PCNX1: variants seen among roughly 807,000 people sequenced by gnomAD.
PCNX1 encodes the protein pecanex-like protein 1.
A neutral mutation model predicts 242.2 loss-of-function variants in PCNX1; 78 were observed. The observed-to-expected ratio is 0.32, with a 90% CI of 0.27 to 0.39. The LOEUF (loss-of-function observed/expected upper bound fraction) is 0.39. PCNX1 is among the 10% of genes least tolerant of loss of function. PCNX1 has a pLI of 1.00. For synonymous variants in PCNX1, 1,024 were observed against 1,032.9 expected (o/e 0.99, Z 0.17); for missense variants, 2,581 against 2,856.5 (o/e 0.90, Z 2.20).
chr14:70,912,727 G>GA (rs2055979013), intron 1 of PCNX1, among the ~76,000 whole-genome samples: 1 of 151,968 alleles, frequency 6.6e-6, no homozygotes, highest in African/African-American at 2.4e-5. Flanking sequence ...TTGGCACTTA[G>GA]AAAAAAATCC....
chr14:70,922,003 G>T (rs2056398644), intron 1 of PCNX1, among the ~76,000 whole-genome samples: 1 of 152,098 alleles, frequency 6.6e-6, no homozygotes, highest in Non-Finnish European at 1.5e-5. Context: ...CACTGTGCTG[G>T]GAGGTCTGTT....
At chr14:71,069,585 A>G (rs2061539907) in intron 26 of PCNX1, among the ~76,000 whole-genome samples, 1 of 152,252 alleles carries the variant, frequency 6.6e-6, no homozygotes, top group South Asian at 2.1e-4. Flanking sequence ...AAAGCAAGTC[A>G]CACAAATTGC....
intron 8 of PCNX1, among the ~76,000 whole-genome samples, chr14:71,004,623 G>A (rs187018075): frequency 1.3e-5 from 2 of 152,238 alleles, no homozygotes; most frequent in Non-Finnish European, 2.9e-5. Flanking sequence ...AAAGGTTGGG[G>A]GCCAGAAAGG....
chr14:70,950,861 C>T (rs1487878345), intron 2 of PCNX1, among the ~76,000 whole-genome samples: 1 of 151,658 alleles, frequency 6.6e-6, no homozygotes, highest in Non-Finnish European at 1.5e-5. Flanking sequence ...ATTAGCTCTT[C>T]TGTGTCAAAT....
chr14:70,939,955 G>A (rs1262809537), intron 1 of PCNX1, among the ~76,000 whole-genome samples: 1 of 151,082 alleles, frequency 6.6e-6, no homozygotes, highest in African/African-American at 2.4e-5. Context: ...TTGCAACCTT[G>A]TTTTTTTTGT....
intron 12 of PCNX1, among the ~76,000 whole-genome samples, chr14:71,021,122 A>G (rs550842703): frequency 9.8e-4 from 149 of 151,918 alleles, no homozygotes; most frequent in Non-Finnish European, 1.9e-3. Context: ...TGGTCTTTAT[A>G]TCTGTTTTGG....
chr14:71,102,670 AT>A (rs969902176), intron 31 of PCNX1, among the ~76,000 whole-genome samples: 17 of 151,092 alleles, frequency 1.1e-4, no homozygotes, highest in East Asian at 1.9e-4. Flanking sequence ...AATTTTACTT[AT>A]TTTTTTTTAG....
Position 70,932,623 on chromosome 14 carries a change from A to AT in PCNX1, c.154-14286dup, listed in dbSNP as rs1357659091. On this transcript the variant is annotated intron_variant, in intron 1 of 35. Transcript: ENST00000304743. ...TATTTATTTATTTATTTTTATTTTT[A>AT]TTTTTTGAGATGGAATTTCGCTCTT... Among the ~76,000 whole-genome samples the AT allele has an allele frequency of 8.0e-5, 12 of 150,086 alleles. No individual in the cohort carries two copies. In the South Asian group the frequency reaches 2.1e-3, roughly 26 times the overall value.
chr14:70,946,877 A>C, intron 1 of PCNX1, 38 bp from the exon 2 acceptor site: 3 of 1,316,582 alleles, frequency 2.3e-6, no homozygotes, highest in Non-Finnish European at 3.3e-6. Context: ...GATATAAAAT[A>C]TTTTAAAATG....
intron 3 of PCNX1, among the ~76,000 whole-genome samples, chr14:70,964,072 A>C (rs2058304414): frequency 6.6e-6 from 1 of 152,048 alleles, no homozygotes. Flanking sequence ...TTAGATTGAT[A>C]CTTTTTTTTT....
chr14:71,100,120 T>C (rs928871691), intron 30 of PCNX1, among the ~76,000 whole-genome samples: 2 of 152,174 alleles, frequency 1.3e-5, no homozygotes, highest in Non-Finnish European at 2.9e-5. Context: ...TTGTTGGTCC[T>C]ATCATGAAGG....
intron 6 of PCNX1, among the ~76,000 whole-genome samples, chr14:70,978,853 A>G (rs1045272224): frequency 1.3e-5 from 2 of 152,198 alleles, no homozygotes; most frequent in Non-Finnish European, 2.9e-5. Flanking sequence ...TGGTTGCAAT[A>G]CTTGAATACG....
At chr14:70,988,149 G>T (rs1298603958) in intron 6 of PCNX1, among the ~76,000 whole-genome samples, 1 of 152,048 alleles carries the variant, frequency 6.6e-6, no homozygotes, top group African/African-American at 2.4e-5. Context: ...TTTACAATAC[G>T]AATATAAGAA....
intron 7 of PCNX1, among the ~76,000 whole-genome samples, chr14:70,992,113 T>C (rs2059183437): frequency 6.6e-6 from 1 of 152,074 alleles, no homozygotes; most frequent in Non-Finnish European, 1.5e-5. Flanking sequence ...TGTTGGCCTT[T>C]GCTAATTCTT....
intron 8 of PCNX1, among the ~76,000 whole-genome samples, chr14:71,002,829 G>C (rs2059543408): frequency 6.6e-6 from 1 of 152,108 alleles, no homozygotes; most frequent in Admixed American, 6.5e-5. Context: ...TTTTTGAAAA[G>C]AGTTCTACAT....
intron 26 of PCNX1, among the ~76,000 whole-genome samples, chr14:71,069,465 A>G (rs2061537298): frequency 6.6e-6 from 1 of 152,218 alleles, no homozygotes; most frequent in South Asian, 2.1e-4. Flanking sequence ...ACACTTTATA[A>G]TATTGCATAT....
At chr14:70,990,828 T>C (rs2059142662) in intron 7 of PCNX1, among the ~76,000 whole-genome samples, 1 of 152,200 alleles carries the variant, frequency 6.6e-6, no homozygotes, top group South Asian at 2.1e-4. Context: ...ATTTGGAGCA[T>C]AGTCTCAACA....
chr14:70,932,489 A>G (rs1406546572), intron 1 of PCNX1, among the ~76,000 whole-genome samples: 1 of 151,784 alleles, frequency 6.6e-6, no homozygotes, highest in African/African-American at 2.4e-5. Context: ...CTATTTTTAA[A>G]TTTTTCCTTT....
intron 1 of PCNX1, among the ~76,000 whole-genome samples, chr14:70,923,830 G>T (rs1457367881): frequency 6.6e-6 from 1 of 152,058 alleles, no homozygotes; most frequent in Non-Finnish European, 1.5e-5. Flanking sequence ...ACATGCTGCA[G>T]TAAATAATTT....
Sources: gnomAD v4.1 joint callset for allele counts (sites outside exome capture counted in the v4.1 genomes callset) on GRCh38, gnomAD v4.1.1 for gene constraint, MANE v1.5 for transcripts, NCBI Gene and HGNC (gene_info 2026-07-23, HGNC 2026-07-21) for gene names.